Variants in GRAMD1B observed in about 807,000 individuals in gnomAD.
The protein encoded by GRAMD1B is protein Aster-B.
Under a neutral mutation model 99.7 loss-of-function variants are expected in GRAMD1B, and 37 were observed. The ratio of observed to expected loss-of-function variants is 0.37; its 90% CI spans 0.29 to 0.49. GRAMD1B has a LOEUF of 0.49. GRAMD1B is among the 20% of genes least tolerant of loss of function. GRAMD1B has a pLI of 0.98. For missense variants in GRAMD1B, 888 were observed against 1,009.2 expected, an observed-to-expected ratio of 0.88 and a Z score of 1.63; for synonymous variants, 427 against 387.6, an observed-to-expected ratio of 1.10 and a Z score of -1.19.
intron 2 of GRAMD1B, among the ~76,000 whole-genome samples, chr11:123,527,145 G>A (rs919518528): frequency 2.6e-5 from 4 of 152,192 alleles, no homozygotes; most frequent in African/African-American, 9.7e-5. Flanking sequence ...GCAAGGATGA[G>A]TCCTGCCTTC....
chr11:123,598,263 ATACAGCCAG>A, intron 7 of GRAMD1B: 3 of 1,355,248 alleles, frequency 2.2e-6, no homozygotes, highest in Non-Finnish European at 3.2e-6. Context: ...CATGAAGCAT[ATACAGCCAG>A]TAGGGAATGG....
intron 7 of GRAMD1B, among the ~76,000 whole-genome samples, chr11:123,597,360 G>A (rs1454175741): frequency 1.3e-5 from 2 of 149,552 alleles, no homozygotes; most frequent in African/African-American, 5.0e-5. Context: ...CCAAGTAGCT[G>A]GGACTATAGG....
Position 123,618,313 on chromosome 11 carries a change from TCCTC to T in GRAMD1B, c.2319-377_2319-374del, listed in dbSNP as rs772955324. On this transcript the variant is annotated intron_variant, in intron 17 of 19. Transcript: ENST00000635736. ...CACTTGCCTGTTTCTAACCTCTGCC[TCCTC>T]CCCATTTTTCTTCCTTGCTCCCATT... 5.5e-4 allele frequency: 881 copies of T among 1,606,530 alleles called. 1 individual carries two copies. Among genetic ancestry groups the T allele is most frequent in the Non-Finnish European group, 7.2e-4 (839 of 1,173,284 alleles).
At chr11:123,531,750 T>TTA (rs1943404683) in intron 2 of GRAMD1B, among the ~76,000 whole-genome samples, 1 of 148,582 alleles carries the variant, frequency 6.7e-6, no homozygotes, top group African/African-American at 2.6e-5. Context: ...TTTTTTTTTT[T>TTA]TTGAGATGGA....
intron 1 of GRAMD1B, among the ~76,000 whole-genome samples, chr11:123,437,036 G>A (rs992534917): frequency 6.6e-6 from 1 of 152,136 alleles, no homozygotes; most frequent in African/African-American, 2.4e-5. Flanking sequence ...AGTTTGCTGA[G>A]AATGATGGTT....
At chr11:123,590,267 A>G (rs1394118301) in intron 4 of GRAMD1B, among the ~76,000 whole-genome samples, 1 of 152,202 alleles carries the variant, frequency 6.6e-6, no homozygotes, top group Admixed American at 6.5e-5. Context: ...AAACTGGATC[A>G]GCAAAATCCC....
chr11:123,496,224 G>A (rs1302572761), intron 2 of GRAMD1B, among the ~76,000 whole-genome samples: 3 of 152,090 alleles, frequency 2.0e-5, no homozygotes, highest in Non-Finnish European at 4.4e-5. Context: ...ACTTTCACCA[G>A]ATGTACTATT....
At chr11:123,595,888 C>T (rs1373784785) in intron 6 of GRAMD1B, 54 bp from the exon 7 acceptor site, 23 of 984,158 alleles carry the variant, frequency 2.3e-5, no homozygotes, top group Non-Finnish European at 3.2e-5. Flanking sequence ...GTTTACCTGA[C>T]TTACTAATGC....
intron 6 of GRAMD1B, among the ~76,000 whole-genome samples, chr11:123,595,697 T>A (rs1951187963): frequency 6.6e-6 from 1 of 152,146 alleles, no homozygotes; most frequent in Non-Finnish European, 1.5e-5. Context: ...GTATAGAAAT[T>A]AGAAAGCTCT....
intron 2 of GRAMD1B, among the ~76,000 whole-genome samples, chr11:123,519,788 G>A (rs79030349): frequency 0.023 from 3,449 of 152,360 alleles, 132 homozygotes; most frequent in African/African-American, 0.078. Context: ...GGGAGCCAGA[G>A]GCTTGGAGTG....
intron 1 of GRAMD1B, among the ~76,000 whole-genome samples, chr11:123,468,795 C>CAA (rs11446671): frequency 0.027 from 2,596 of 97,892 alleles, 98 homozygotes; most frequent in African/African-American, 0.068. Context: ...GACCCTGTAT[C>CAA]AAAAAAAAAA....
intron 2 of GRAMD1B, among the ~76,000 whole-genome samples, chr11:123,485,714 TC>T (rs149430442): frequency 6.9e-6 from 1 of 145,650 alleles, no homozygotes; most frequent in Admixed American, 7.2e-5. Context: ...ATTAATTCAT[TC>T]TTTTTTTTTT....
intron 4 of GRAMD1B, 42 bp downstream of exon 4, chr11:123,584,374 T>TTGGGGGGAAAGGGTGGGGGGTGCGATTGG: frequency 7.1e-6 from 1 of 141,016 alleles, no homozygotes; most frequent in South Asian, 7.1e-5. Flanking sequence ...ACCTGAGAAA[T>TTGGGGGGAAAGGGTGGGGGGTGCGATTGG]GGGAGGGGGA....
At chr11:123,540,116 A>G (rs1358028484) in intron 2 of GRAMD1B, among the ~76,000 whole-genome samples, 1 of 151,194 alleles carries the variant, frequency 6.6e-6, no homozygotes, top group Non-Finnish European at 1.5e-5. Context: ...TGTGGGCTGG[A>G]GTGCAGTGGC....
intron 1 of GRAMD1B, among the ~76,000 whole-genome samples, chr11:123,471,306 T>C (rs994038110): frequency 5.3e-5 from 8 of 152,318 alleles, no homozygotes; most frequent in East Asian, 1.9e-4. Context: ...AGGAACCCAA[T>C]AGAATGTAAA....
Position 123,435,890 on chromosome 11 carries a change from C to T in GRAMD1B, c.374+4724C>T, listed in dbSNP as rs1197581136. 2.0e-5 allele frequency among the ~76,000 whole-genome samples: 3 copies of T among 151,154 alleles called. No individual in the cohort carries two copies. In the East Asian group the frequency reaches 5.8e-4, roughly 29 times the overall value. On this transcript the variant is annotated intron_variant, in intron 1 of 19. Transcript: ENST00000635736. ...ATTCACAGCTATGTACAACCATCAC[C>T]ACAGTCAGTTTTTAAAAACGTTTGT...
At chr11:123,603,693 A>C (rs1416249969) in intron 9 of GRAMD1B, among the ~76,000 whole-genome samples, 152 bp downstream of exon 9, 1 of 152,194 alleles carries the variant, frequency 6.6e-6, no homozygotes, top group African/African-American at 2.4e-5. Context: ...GAGGTCAGGG[A>C]GCTCGAGGGG....
chr11:123,455,316 A>G (rs900451972), intron 1 of GRAMD1B, among the ~76,000 whole-genome samples: 3 of 152,140 alleles, frequency 2.0e-5, no homozygotes, highest in Non-Finnish European at 1.5e-5. Flanking sequence ...GGGTCTTACT[A>G]TGTTGTCCTA....
intron 1 of GRAMD1B, among the ~76,000 whole-genome samples, chr11:123,476,762 G>A (rs984134410): frequency 2.0e-5 from 3 of 152,090 alleles, no homozygotes; most frequent in Non-Finnish European, 4.4e-5. Context: ...AGTGGTAAAC[G>A]GAATTGAACT....
Sources: allele counts gnomAD v4.1 joint callset (sites outside exome capture counted in the v4.1 genomes callset), GRCh38; gene constraint gnomAD v4.1.1; transcripts MANE v1.5; gene names NCBI Gene and HGNC (gene_info 2026-07-23, HGNC 2026-07-21).